Variants in FHOD3 observed in about 807,000 individuals in gnomAD.
FHOD3 encodes the protein FH1/FH2 domain-containing protein 3.
Under a neutral mutation model 173.0 loss-of-function variants are expected in FHOD3, and 90 were observed. The ratio of observed to expected loss-of-function variants is 0.52; its 90% CI spans 0.44 to 0.62. The LOEUF is 0.62. Ranked by LOEUF, FHOD3 falls within the 20% of genes least tolerant of loss-of-function variation. The pLI, the probability that FHOD3 is intolerant of heterozygous loss-of-function variation, is 0.00. For missense variants in FHOD3, 1,945 were observed against 2,034.7 expected (o/e 0.96, Z 0.85); for synonymous variants, 828 against 823.0 (o/e 1.01, Z -0.10).
intron 1 of FHOD3, among the ~76,000 whole-genome samples, chr18:36,341,912 A>G (rs2045643016): frequency 6.6e-6 from 1 of 152,224 alleles, no homozygotes; most frequent in Non-Finnish European, 1.5e-5. Context: ...AAAAAAGGCC[A>G]CAGAAACATC....
At chr18:36,646,954 C>T (rs566415830) in intron 10 of FHOD3, among the ~76,000 whole-genome samples, 37 of 152,140 alleles carry the variant, frequency 2.4e-4, no homozygotes, top group Non-Finnish European at 4.4e-4. Context: ...AACACTTCTT[C>T]GGCCGGGTGC....
intron 17 of FHOD3, among the ~76,000 whole-genome samples, chr18:36,708,098 A>T (rs964019239): frequency 2.0e-5 from 3 of 152,330 alleles, no homozygotes; most frequent in Non-Finnish European, 2.9e-5. Flanking sequence ...AAAAAATTTT[A>T]AAAAAGCATA....
chr18:36,398,477 G>GT lies in FHOD3; in HGVS notation c.337+25740dup, dbSNP rs111398411. 2.2e-3 allele frequency among the ~76,000 whole-genome samples: 331 copies of GT among 152,282 alleles called. 4 individuals are homozygous for GT. The highest frequency in any genetic ancestry group is 7.3e-3 in the African/African-American group (304 of 41,560). On this transcript the variant is annotated intron_variant, in intron 3 of 28. Coordinates refer to ENST00000590592, the MANE Select transcript of FHOD3 (RefSeq NM_001281740.3). ...ATCATGTTGTAATTCTATAACCACT[G>GT]TTTTTTTCAGAAAGAAAATGCCGGC...
At chr18:36,567,766 A>G (rs1008485993) in intron 5 of FHOD3, among the ~76,000 whole-genome samples, 2 of 152,066 alleles carry the variant, frequency 1.3e-5, no homozygotes, top group African/African-American at 4.8e-5. Context: ...AGATCTTTCT[A>G]TTTCTGGCTT....
intron 1 of FHOD3, among the ~76,000 whole-genome samples, chr18:36,340,107 C>T (rs866145618): frequency 5.9e-5 from 9 of 152,074 alleles, no homozygotes; most frequent in South Asian, 2.1e-4. Flanking sequence ...CTTGTTTGAA[C>T]GAATGTGAAC....
intron 2 of FHOD3, among the ~76,000 whole-genome samples, chr18:36,372,253 C>T (rs1209324893): frequency 1.3e-5 from 2 of 152,176 alleles, no homozygotes; most frequent in Non-Finnish European, 2.9e-5. Flanking sequence ...GTTCTGATTA[C>T]CCCATGATGT....
At chr18:36,655,319 C>T (rs1409106353) in intron 13 of FHOD3, among the ~76,000 whole-genome samples, 1 of 152,098 alleles carries the variant, frequency 6.6e-6, no homozygotes, top group Non-Finnish European at 1.5e-5. Flanking sequence ...TGTTAGCCCA[C>T]GGTGGTGATG....
chr18:36,582,271 A>C (rs2058879117), intron 6 of FHOD3, among the ~76,000 whole-genome samples: 1 of 152,220 alleles, frequency 6.6e-6, no homozygotes, highest in Non-Finnish European at 1.5e-5. Flanking sequence ...AGCCACTGGC[A>C]TGTCACTGTT....
intron 3 of FHOD3, among the ~76,000 whole-genome samples, chr18:36,403,926 A>G (rs955201393): frequency 2.0e-5 from 3 of 152,240 alleles, no homozygotes; most frequent in Non-Finnish European, 2.9e-5. Flanking sequence ...GGCAAGCCCC[A>G]GTGCCCTTGG....
In FHOD3 at chr18:36,760,617, T is replaced by A. The variant is rs1366218115; in HGVS notation, c.4459T>A (p.Phe1487Ile). 2.5e-5 allele frequency: 39 copies of A among 1,580,362 alleles called. No homozygotes were observed. The highest frequency in any genetic ancestry group is 3.4e-5 in the Non-Finnish European group (39 of 1,160,072). The change falls in exon 27 of 29, where the codon TTC (phenylalanine) becomes ATC (isoleucine). Residue 1487 changes from phenylalanine (F) to isoleucine (I), a missense_variant. By Grantham distance (21) the Phe-to-Ile change is conservative. Transcript: ENST00000590592. ...CCCCTTGGTTTTGCAGTCTGGCAAG[T>A]TCTCCGGCAGTTCTCCGGCGCCCCC... ...DEEEEVESGK[F>I]SGSSPAPPSQ...
chr18:36,452,474 C>A (rs1300528121), intron 3 of FHOD3, among the ~76,000 whole-genome samples: 1 of 152,178 alleles, frequency 6.6e-6, no homozygotes, highest in African/African-American at 2.4e-5. Flanking sequence ...TAAGATCTAT[C>A]CTTTTAACAA....
intron 16 of FHOD3, chr18:36,692,872 T>A (rs1267029874): frequency 1.3e-5 from 4 of 298,874 alleles, no homozygotes; most frequent in Non-Finnish European, 2.6e-5. Context: ...CAGCCATCAC[T>A]CTTGAGGCTT....
intron 1 of FHOD3, among the ~76,000 whole-genome samples, chr18:36,332,186 G>T (rs1283000088): frequency 6.6e-6 from 1 of 152,220 alleles, no homozygotes; most frequent in Non-Finnish European, 1.5e-5. Context: ...ATTGAAGGAT[G>T]AATTTGGAGC....
intron 3 of FHOD3, among the ~76,000 whole-genome samples, chr18:36,418,559 C>T (rs1211010464): frequency 1.3e-5 from 2 of 152,102 alleles, no homozygotes; most frequent in African/African-American, 2.4e-5. Flanking sequence ...CATGGCAAAA[C>T]GTTGACTTTT....
chr18:36,386,436 C>T (rs2048035578), intron 3 of FHOD3, among the ~76,000 whole-genome samples: 2 of 152,196 alleles, frequency 1.3e-5, no homozygotes, highest in African/African-American at 4.8e-5. Context: ...TGCCACGTAT[C>T]ACTTAGCAGA....
At chr18:36,314,587 A>G (rs1598672168) in intron 1 of FHOD3, among the ~76,000 whole-genome samples, 1 of 152,230 alleles carries the variant, frequency 6.6e-6, no homozygotes, top group East Asian at 1.9e-4. Context: ...TTCAGGGGCT[A>G]GAGTATTAGA....
At chr18:36,472,616 C>G (rs539427702) in intron 3 of FHOD3, among the ~76,000 whole-genome samples, 72 of 152,302 alleles carry the variant, frequency 4.7e-4, no homozygotes, top group Admixed American at 1.2e-3. Flanking sequence ...ACTTCTGTCT[C>G]TGTGCTTTTG....
At chr18:36,379,932 T>C (rs958999612) in intron 3 of FHOD3, among the ~76,000 whole-genome samples, 3 of 152,026 alleles carry the variant, frequency 2.0e-5, no homozygotes, top group African/African-American at 7.3e-5. Context: ...GGTGTGGGAG[T>C]TGAAAAGGAG....
At chr18:36,337,899 CAG>C (rs1379503659) in intron 1 of FHOD3, among the ~76,000 whole-genome samples, 2 of 152,200 alleles carry the variant, frequency 1.3e-5, no homozygotes, top group South Asian at 2.1e-4. Context: ...ATGGAGGAAA[CAG>C]AGGGGAGGCA....
Sources: allele counts gnomAD v4.1 joint callset (sites outside exome capture counted in the v4.1 genomes callset), GRCh38; gene constraint gnomAD v4.1.1; transcripts MANE v1.5; gene names NCBI Gene and HGNC (gene_info 2026-07-23, HGNC 2026-07-21).